Variants in XYLT1 observed in about 807,000 individuals in gnomAD.
The protein encoded by XYLT1 is beta-D-xylosyltransferase 1.
Under a neutral mutation model 91.3 loss-of-function variants are expected in XYLT1, and 36 were observed. The ratio of observed to expected loss-of-function variants is 0.39; its 90% CI spans 0.30 to 0.52. The LOEUF is 0.52. Ranked by LOEUF, XYLT1 falls within the 20% of genes least tolerant of loss-of-function variation. The pLI is 0.68. For missense variants in XYLT1, 1,242 were observed against 1,284.5 expected (o/e 0.97, Z 0.51); for synonymous variants, 588 against 532.0 (o/e 1.11, Z -1.45).
At chr16:17,336,888 T>C (rs2034989027) in intron 2 of XYLT1, among the ~76,000 whole-genome samples, 1 of 152,210 alleles carries the variant, frequency 6.6e-6, no homozygotes, top group African/African-American at 2.4e-5. Context: ...TGAAGTGCAG[T>C]AGGGCTCCCT....
intron 3 of XYLT1, among the ~76,000 whole-genome samples, chr16:17,224,602 T>C (rs180836221): frequency 1.2e-3 from 181 of 152,308 alleles, no homozygotes; most frequent in Admixed American, 3.2e-3. Flanking sequence ...ATTTGATCTG[T>C]GGTCTTGGGC....
intron 5 of XYLT1, among the ~76,000 whole-genome samples, chr16:17,172,443 T>C (rs1238702771): frequency 2.0e-5 from 3 of 151,726 alleles, no homozygotes; most frequent in Admixed American, 6.6e-5. Context: ...CATCTTCCTA[T>C]GTGCCAAAGA....
chr16:17,116,125 T>A (rs1966851883), intron 11 of XYLT1, among the ~76,000 whole-genome samples: 1 of 152,228 alleles, frequency 6.6e-6, no homozygotes, highest in African/African-American at 2.4e-5. Context: ...CACACCAGAC[T>A]GTTGGCAGTG....
chr16:17,433,746 T>A (rs1481234797), intron 1 of XYLT1, among the ~76,000 whole-genome samples: 1 of 152,218 alleles, frequency 6.6e-6, no homozygotes, highest in Non-Finnish European at 1.5e-5. Flanking sequence ...ATTTCCTCTA[T>A]AGCCTCAAAG....
chr16:17,325,941 A>C (rs1032520751), intron 2 of XYLT1, among the ~76,000 whole-genome samples: 2 of 152,318 alleles, frequency 1.3e-5, no homozygotes, highest in Middle Eastern at 3.4e-3. Context: ...GAGGGACCTG[A>C]GATCCGTGTT....
At chr16:17,299,671 G>A (rs547143776) in intron 2 of XYLT1, among the ~76,000 whole-genome samples, 1 of 152,258 alleles carries the variant, frequency 6.6e-6, no homozygotes, top group African/African-American at 2.4e-5. Flanking sequence ...GAGAAGAGAG[G>A]CTTTTTGTCC....
chr16:17,134,300 T>C (rs373457170), intron 9 of XYLT1, among the ~76,000 whole-genome samples, 173 bp downstream of exon 9: 64 of 152,268 alleles, frequency 4.2e-4, no homozygotes, highest in African/African-American at 1.4e-3. Context: ...GGATTGGAAA[T>C]GCCACGCACG....
intron 5 of XYLT1, among the ~76,000 whole-genome samples, chr16:17,159,354 A>T (rs185155758): frequency 2.4e-4 from 37 of 152,146 alleles, no homozygotes; most frequent in African/African-American, 8.4e-4. Context: ...CTTTAGAGAG[A>T]CCTTTTCTGA....
chr16:17,281,073 T>A (rs1487186302), intron 2 of XYLT1, among the ~76,000 whole-genome samples: 1 of 152,144 alleles, frequency 6.6e-6, no homozygotes, highest in Non-Finnish European at 1.5e-5. Flanking sequence ...AGCAACTGGA[T>A]TTGGCCCCTC....
At chr16:17,149,720 G>A (rs924295926) in intron 6 of XYLT1, among the ~76,000 whole-genome samples, 3 of 152,150 alleles carry the variant, frequency 2.0e-5, no homozygotes, top group African/African-American at 7.2e-5. Flanking sequence ...GGATGCAGTG[G>A]CAAGATTTTG....
At chr16:17,342,726 A>G (rs7498957) in intron 2 of XYLT1, among the ~76,000 whole-genome samples, 4,363 of 152,162 alleles carry the variant, frequency 0.029, 169 homozygotes, top group African/African-American at 0.083. Context: ...TGTCTCAAAA[A>G]AAAACACATG....
chr16:17,300,749 G>T (rs539888131), intron 2 of XYLT1, among the ~76,000 whole-genome samples: 1 of 151,900 alleles, frequency 6.6e-6, no homozygotes, highest in African/African-American at 2.4e-5. Context: ...GTGAACCACC[G>T]CGCCCAGCCT....
chr16:17,348,417 G>A (rs1027308964), intron 2 of XYLT1, among the ~76,000 whole-genome samples: 3 of 152,088 alleles, frequency 2.0e-5, no homozygotes, highest in Non-Finnish European at 4.4e-5. Flanking sequence ...CTAAGGTATG[G>A]GAGTCACAGC....
intron 1 of XYLT1, among the ~76,000 whole-genome samples, chr16:17,387,120 G>A (rs1407727589): frequency 6.6e-6 from 1 of 152,142 alleles, no homozygotes; most frequent in Non-Finnish European, 1.5e-5. Context: ...GACCTCATCT[G>A]ACCCCCAGGT....
chr16:17,328,371 A>G (rs1223637729), intron 2 of XYLT1, among the ~76,000 whole-genome samples: 1 of 151,698 alleles, frequency 6.6e-6, no homozygotes, highest in African/African-American at 2.4e-5. Context: ...ACATGGCAAA[A>G]CCCCGTCTCT....
At chr16:17,268,202 A>G (rs2033835047) in intron 2 of XYLT1, among the ~76,000 whole-genome samples, 1 of 152,218 alleles carries the variant, frequency 6.6e-6, no homozygotes, top group Admixed American at 6.5e-5. Context: ...ATCTTCTATT[A>G]AGCCAGGTGT....
intron 10 of XYLT1, among the ~76,000 whole-genome samples, chr16:17,119,786 T>A (rs1191469969): frequency 6.6e-6 from 1 of 152,212 alleles, no homozygotes; most frequent in Non-Finnish European, 1.5e-5. Context: ...TGGGAACCCA[T>A]AAAGTCCAGC....
In XYLT1 at chr16:17,464,004, G is replaced by A. The variant is rs561715912; in HGVS notation, c.363+6430C>T. Among the ~76,000 whole-genome samples, 8 of 152,222 alleles carry A rather than the reference G, an allele frequency of 5.3e-5. No homozygotes were observed. The East Asian group carries it at 1.2e-3, about 22-fold the overall frequency. ...AGGCACTTAGAGACAAATATCACAT[G>A]TTCTCACTCCTATGTAGGAGCTAAA... On this transcript the variant is annotated intron_variant, in intron 1 of 11. Transcript: ENST00000261381.
chr16:17,469,882 T>C (rs2036958365), intron 1 of XYLT1, among the ~76,000 whole-genome samples: 1 of 151,964 alleles, frequency 6.6e-6, no homozygotes, highest in African/African-American at 2.4e-5. Context: ...AGACCCAAAG[T>C]AAGACCAGAC....
Sources: gnomAD v4.1 joint callset for allele counts (sites outside exome capture counted in the v4.1 genomes callset) on GRCh38, gnomAD v4.1.1 for gene constraint, MANE v1.5 for transcripts, NCBI Gene and HGNC (gene_info 2026-07-23, HGNC 2026-07-21) for gene names.